The following CDC25C variants were observed in gnomAD, a reference collection of about 807,000 sequenced individuals.
CDC25C encodes M-phase inducer phosphatase 3.
CDC25C carries 48 observed loss-of-function variants against 52.5 expected under a neutral mutation model. That is an observed-to-expected ratio of 0.91 (90% confidence interval 0.72 to 1.16). CDC25C has a LOEUF of 1.16. CDC25C is among the 50% of genes most tolerant of loss of function. CDC25C has a pLI of 0.00. For synonymous variants in CDC25C, 187 were observed against 206.5 expected (o/e 0.91, Z 0.81); for missense variants, 510 against 566.1 (o/e 0.90, Z 1.01).
At chr5:138,313,995 C>CTTTCTTTCTTTCTTTCTTTCTTTCT (rs1554117939) in intron 7 of CDC25C, among the ~76,000 whole-genome samples, 7 of 112,684 alleles carry the variant, frequency 6.2e-5, no homozygotes, top group South Asian at 3.0e-4. Flanking sequence ...TTCTTTCTTT[C>CTTTCTTTCTTTCTTTCTTTCTTTCT]TTTTTTTTTT....
At chr5:138,291,400 G>A (rs1756695254) in intron 8 of CDC25C, among the ~76,000 whole-genome samples, 1 of 151,410 alleles carries the variant, frequency 6.6e-6, no homozygotes, top group Admixed American at 6.6e-5. Context: ...TGGGAAGACG[G>A]TATGATGACA....
intron 4 of CDC25C, among the ~76,000 whole-genome samples, chr5:138,326,464 C>T (rs1201649005): frequency 6.6e-6 from 1 of 151,940 alleles, no homozygotes; most frequent in Admixed American, 6.6e-5. Flanking sequence ...GCCTCAGCCT[C>T]CTGAGTAGCT....
intron 7 of CDC25C, among the ~76,000 whole-genome samples, chr5:138,293,648 T>C (rs1022455500): frequency 2.0e-5 from 3 of 151,340 alleles, no homozygotes; most frequent in East Asian, 1.9e-4. Flanking sequence ...TTGAAACTTA[T>C]CTTTTTTTTT....
chr5:138,287,279 C>T lies in CDC25C; in HGVS notation c.928-12G>A. On this transcript the variant is annotated splice_polypyrimidine_tract_variant and intron_variant, in intron 10 of 13. Transcript: ENST00000323760. ...AGTAAGGCAGCCACCTGGACAGAAACAATGACTGAATATTCTGCTCACTGC... is the reference window on the plus strand; with the variant it reads ...AGTAAGGCAGCCACCTGGACAGAAATAATGACTGAATATTCTGCTCACTGC... 6.3e-7 allele frequency: 1 copy of T among 1,596,396 alleles called. No individual in the cohort carries two copies. The highest frequency in any genetic ancestry group is 8.6e-7 in the Non-Finnish European group (1 of 1,164,164).
chr5:138,300,837 C>A (rs1409977907), intron 7 of CDC25C, among the ~76,000 whole-genome samples: 3 of 151,960 alleles, frequency 2.0e-5, no homozygotes, highest in East Asian at 1.9e-4. Flanking sequence ...ACAGAAAGGT[C>A]CTCAAATATG....
At chr5:138,315,925 C>T (rs1003243208) in intron 7 of CDC25C, among the ~76,000 whole-genome samples, 1 of 152,242 alleles carries the variant, frequency 6.6e-6, no homozygotes, top group Non-Finnish European at 1.5e-5. Context: ...CCTTCCCCTT[C>T]TGAGTTGGGG....
intron 7 of CDC25C, among the ~76,000 whole-genome samples, chr5:138,314,603 CTTTT>C (rs907033621): frequency 8.7e-6 from 1 of 114,712 alleles, no homozygotes. Flanking sequence ...GCCTATAGCA[CTTTT>C]TTTTTTTTTT....
At chr5:138,320,975 G>T (rs1360302872) in intron 6 of CDC25C, among the ~76,000 whole-genome samples, 1 of 143,744 alleles carries the variant, frequency 7.0e-6, no homozygotes, top group Non-Finnish European at 1.5e-5. Context: ...CACACTTGCA[G>T]TCCCACCTAC....
At chr5:138,317,527 A>T (rs1351176112) in intron 7 of CDC25C, among the ~76,000 whole-genome samples, 2 of 151,818 alleles carry the variant, frequency 1.3e-5, no homozygotes, top group African/African-American at 4.8e-5. Flanking sequence ...AAAAAATACA[A>T]AAAATTAGCC....
chr5:138,292,474 T>C (rs1181266113), intron 7 of CDC25C, among the ~76,000 whole-genome samples: 1 of 127,894 alleles, frequency 7.8e-6, no homozygotes, highest in South Asian at 2.8e-4. Flanking sequence ...CCTCCAGTTA[T>C]GTGACCAAAA....
intron 6 of CDC25C, among the ~76,000 whole-genome samples, chr5:138,322,493 T>TTTTTTTTTG (rs1393696738): frequency 1.4e-5 from 2 of 139,552 alleles, no homozygotes; most frequent in Admixed American, 7.3e-5. Context: ...TTTTTTTTTT[T>TTTTTTTTTG]GAGATGGAGT....
chr5:138,322,565 T>C (rs1323742613), intron 6 of CDC25C, among the ~76,000 whole-genome samples: 5 of 134,200 alleles, frequency 3.7e-5, no homozygotes, highest in Admixed American at 1.7e-4. Flanking sequence ...AAGCTCCGCC[T>C]CCCGGGTTCA....
chr5:138,286,089 G>A lies in CDC25C; in HGVS notation c.1205C>T (p.Pro402Leu), dbSNP rs1756196348. 5.0e-6 allele frequency: 8 copies of A among 1,614,010 alleles called. No homozygotes were observed. The highest frequency in any genetic ancestry group is 6.8e-6 in the Non-Finnish European group (8 of 1,180,006). ...REEDRSLNQY[P>L]ALYYPELYIL... Reference sequence around the variant, plus strand: ...ATATAGCTCTGGGTAGTACAATGCAGGATACTGGTTCAGAGACCTGTCCTC... The same window carrying A: ...ATATAGCTCTGGGTAGTACAATGCAAGATACTGGTTCAGAGACCTGTCCTC... Residue 402 changes from proline to leucine, a missense_variant, in exon 13 of 14, where the codon CCT becomes CTT. Physicochemically the swap from Pro to Leu is moderately conservative, Grantham distance 98. Transcript: ENST00000323760.
At chr5:138,308,243 G>A (rs1227191271) in intron 7 of CDC25C, among the ~76,000 whole-genome samples, 2 of 152,060 alleles carry the variant, frequency 1.3e-5, no homozygotes, top group Non-Finnish European at 2.9e-5. Context: ...TCTATATTAT[G>A]CAATTCAGAA....
At chr5:138,320,102 C>T (rs1016477381) in intron 6 of CDC25C, among the ~76,000 whole-genome samples, 26 of 152,080 alleles carry the variant, frequency 1.7e-4, no homozygotes, top group African/African-American at 6.0e-4. Flanking sequence ...GTCAGGAGTT[C>T]GAGAGCAGCC....
intron 4 of CDC25C, 22 bp downstream of exon 4, chr5:138,328,462 T>C (rs1760071276): frequency 1.9e-6 from 3 of 1,611,728 alleles, no homozygotes; most frequent in Non-Finnish European, 2.5e-6. Flanking sequence ...TTGTGTGGGG[T>C]TCATTTAACA....
intron 7 of CDC25C, among the ~76,000 whole-genome samples, chr5:138,309,435 T>A (rs1436487604): frequency 6.6e-6 from 1 of 151,710 alleles, no homozygotes; most frequent in African/African-American, 2.4e-5. Flanking sequence ...TGGGCACCTG[T>A]AATCCTACCC....
At chr5:138,293,893 C>T (rs186299441) in intron 7 of CDC25C, among the ~76,000 whole-genome samples, 183 of 152,178 alleles carry the variant, frequency 1.2e-3, no homozygotes, top group African/African-American at 4.2e-3. Context: ...GTGATCCATC[C>T]GCCTTGGCCT....
intron 7 of CDC25C, among the ~76,000 whole-genome samples, chr5:138,316,068 G>C (rs1758845299): frequency 6.6e-6 from 1 of 152,140 alleles, no homozygotes; most frequent in African/African-American, 2.4e-5. Flanking sequence ...CTGCAGATCC[G>C]AGCCTCCCTG....
Sources: allele counts gnomAD v4.1 joint callset (sites outside exome capture counted in the v4.1 genomes callset), GRCh38; gene constraint gnomAD v4.1.1; transcripts MANE v1.5; gene names NCBI Gene and HGNC (gene_info 2026-07-23, HGNC 2026-07-21).